Variants in IQUB observed in about 807,000 individuals in gnomAD.
The protein encoded by IQUB is IQ motif and ubiquitin-like domain-containing protein.
Under a neutral mutation model 86.4 loss-of-function variants are expected in IQUB, and 86 were observed. The ratio of observed to expected loss-of-function variants is 1.00; its 90% CI spans 0.84 to 1.19. The LOEUF (loss-of-function observed/expected upper bound fraction) is 1.19, where lower values mean the gene tolerates loss of function less well. Among genes scored for constraint, IQUB ranks in the 50% most tolerant of loss-of-function variants. The probability of loss-of-function intolerance (pLI) is 0.00; values close to 1 mark genes in which losing one functional copy is unlikely to be tolerated. For synonymous variants in IQUB, 289 were observed against 304.5 expected, an observed-to-expected ratio of 0.95 and a Z score of 0.53; for missense variants, 946 against 916.9, an observed-to-expected ratio of 1.03 and a Z score of -0.41.
intron 7 of IQUB, among the ~76,000 whole-genome samples, chr7:123,488,412 T>C (rs915681126): frequency 1.3e-5 from 2 of 149,218 alleles, no homozygotes; most frequent in Non-Finnish European, 3.0e-5. Context: ...ACAGGTCAAA[T>C]AGCAAAATCA....
chr7:123,518,645 A>T (rs1010123206), intron 1 of IQUB, among the ~76,000 whole-genome samples: 12 of 152,208 alleles, frequency 7.9e-5, no homozygotes, highest in African/African-American at 2.7e-4. Context: ...CCCAGGCTAC[A>T]GTACAGTGGT....
At chr7:123,528,901 C>G (rs1797389169) in intron 1 of IQUB, among the ~76,000 whole-genome samples, 2 of 152,050 alleles carry the variant, frequency 1.3e-5, no homozygotes, top group Admixed American at 6.5e-5. Flanking sequence ...TTAATATGCT[C>G]TACTTGCATA....
intron 12 of IQUB, among the ~76,000 whole-genome samples, chr7:123,455,583 G>A (rs1481289483): frequency 1.3e-5 from 2 of 152,076 alleles, no homozygotes; most frequent in Non-Finnish European, 2.9e-5. Flanking sequence ...TCCCTATGAT[G>A]AGATACCATT....
At position 123,452,584 on chromosome 7, in the gene IQUB, T is replaced by C; in HGVS notation, c.*159A>G. 2.4e-6 allele frequency: 1 copy of C among 419,982 alleles called. No homozygotes were observed. Among genetic ancestry groups the C allele is most frequent in the Non-Finnish European group, 4.2e-6 (1 of 240,106 alleles). 26.0% of individuals were successfully genotyped at this position (419,982 alleles called of 1,614,324 possible). On this transcript the variant is annotated 3_prime_UTR_variant, in exon 13 of 13. Coordinates refer to ENST00000324698, the MANE Select transcript of IQUB (RefSeq NM_178827.5). ...CTTCCTAACAAAGAATACTTACTTA[T>C]ATAGAAATGTTTTCTCTTTATATAA... is the stretch of plus-strand genomic sequence containing the variant.
chr7:123,469,134 CTT>C (rs57559552), intron 9 of IQUB, 78 bp downstream of exon 9: 3 of 984,898 alleles, frequency 3.0e-6, no homozygotes, highest in Non-Finnish European at 4.2e-6. Flanking sequence ...ATGTAAAACA[CTT>C]TACTTGTTTT....
intron 12 of IQUB, 62 bp from the exon 13 acceptor site, chr7:123,452,987 C>T: frequency 7.9e-7 from 1 of 1,271,490 alleles, no homozygotes; most frequent in Non-Finnish European, 1.1e-6. Context: ...GGTAAAAATA[C>T]TGTCATGCCT....
chr7:123,507,084 G>A (rs1023253774), intron 3 of IQUB, among the ~76,000 whole-genome samples: 1 of 152,166 alleles, frequency 6.6e-6, no homozygotes, highest in South Asian at 2.1e-4. Flanking sequence ...CTAAATTGCA[G>A]TTAGGAATGT....
chr7:123,462,907 A>AATT (rs1794068787), intron 10 of IQUB: 1 of 446,814 alleles, frequency 2.2e-6, no homozygotes, highest in East Asian at 7.0e-5. Flanking sequence ...TAAGCTACAG[A>AATT]ATTAAACTCT....
chr7:123,502,377 G>T, intron 6 of IQUB: 1 of 512,368 alleles, frequency 2.0e-6, no homozygotes, highest in South Asian at 2.6e-5. Flanking sequence ...AAGAAGCTGG[G>T]TTTCCCTAAG....
Position 123,510,029 on chromosome 7 carries a change from ACT to A in IQUB, c.402_403del (p.Lys134AsnfsTer15). The A allele has an allele frequency of 6.5e-7, 1 of 1,546,212 alleles. No homozygotes were observed. Among genetic ancestry groups the A allele is most frequent in the Non-Finnish European group, 8.8e-7 (1 of 1,134,568 alleles). ...TTCCTGGCCCACTGGAATAAGTACA[ACT>A]TTTACTGTAAATTAAATAGAAAAGA... On this transcript the variant is annotated frameshift_variant, in exon 3 of 13. Coordinates refer to ENST00000324698, the MANE Select transcript of IQUB (RefSeq NM_178827.5). LOFTEE classifies it high-confidence loss of function.
chr7:123,470,439 C>T (rs1263206846), intron 8 of IQUB, among the ~76,000 whole-genome samples: 1 of 152,178 alleles, frequency 6.6e-6, no homozygotes, highest in African/African-American at 2.4e-5. Context: ...ACCATACTTG[C>T]AAACATTTAA....
At chr7:123,495,960 T>G (rs1376079235) in intron 7 of IQUB, among the ~76,000 whole-genome samples, 1 of 152,086 alleles carries the variant, frequency 6.6e-6, no homozygotes, top group Admixed American at 6.6e-5. Flanking sequence ...TTACCAACTG[T>G]GGTGATAAAA....
chr7:123,524,209 A>T (rs1030003121), intron 1 of IQUB, among the ~76,000 whole-genome samples: 4 of 147,298 alleles, frequency 2.7e-5, no homozygotes, highest in African/African-American at 1.0e-4. Flanking sequence ...TTCCATATGA[A>T]CTTTAAAGTA....
At chr7:123,504,523 C>T (rs1796092250) in intron 3 of IQUB, among the ~76,000 whole-genome samples, 1 of 152,036 alleles carries the variant, frequency 6.6e-6, no homozygotes, top group South Asian at 2.1e-4. Flanking sequence ...GGGGAGGCCT[C>T]AGGAAAATGT....
rs535314857 is a variant in IQUB at position 123,452,225 on chromosome 7, G to A, written c.*518C>T. 6.6e-6 allele frequency among the ~76,000 whole-genome samples: 1 copy of A among 152,224 alleles called. No homozygotes were observed. The highest frequency in any genetic ancestry group is 2.4e-5 in the African/African-American group (1 of 41,538). On this transcript the variant is annotated 3_prime_UTR_variant, in exon 13 of 13. Coordinates refer to ENST00000324698, the MANE Select transcript of IQUB (RefSeq NM_178827.5). ...AAGTGTTGTTTTATTGGGATTATGA[G>A]AAGGATGGAAGGTGAAAGCAGACGA...
intron 6 of IQUB, chr7:123,501,081 C>A (rs1795922915): frequency 6.6e-6 from 1 of 152,148 alleles, no homozygotes; most frequent in Non-Finnish European, 1.5e-5. Flanking sequence ...ATAGTTCAAG[C>A]CAATGGGATG....
intron 12 of IQUB, among the ~76,000 whole-genome samples, chr7:123,454,628 G>C (rs957505438): frequency 6.6e-6 from 1 of 152,068 alleles, no homozygotes; most frequent in African/African-American, 2.4e-5. Flanking sequence ...CCATGTGATG[G>C]TTTTAAACTA....
chr7:123,501,090 T>G (rs1271438131), intron 6 of IQUB: 1 of 152,200 alleles, frequency 6.6e-6, no homozygotes. Flanking sequence ...GCCAATGGGA[T>G]GCAAGTAGAA....
At chr7:123,493,623 A>T (rs1366012715) in intron 7 of IQUB, among the ~76,000 whole-genome samples, 1 of 152,092 alleles carries the variant, frequency 6.6e-6, no homozygotes, top group Non-Finnish European at 1.5e-5. Flanking sequence ...TTAAAATGGT[A>T]CAACCTCTAA....
Sources: allele counts gnomAD v4.1 joint callset (sites outside exome capture counted in the v4.1 genomes callset), GRCh38; gene constraint gnomAD v4.1.1; transcripts MANE v1.5; gene names NCBI Gene and HGNC (gene_info 2026-07-23, HGNC 2026-07-21).